Variants in PARD3B observed in about 807,000 individuals in gnomAD.
The protein encoded by PARD3B is partitioning defective 3 homolog B.
PARD3B carries 103 observed loss-of-function variants against 130.2 expected under a neutral mutation model. The ratio of observed to expected loss-of-function variants is 0.79; its 90% CI spans 0.67 to 0.93. The LOEUF (loss-of-function observed/expected upper bound fraction) is 0.93, where lower values mean the gene tolerates loss of function less well. Ranked by LOEUF, PARD3B falls within the 40% of genes least tolerant of loss-of-function variation. PARD3B has a pLI of 0.00. For missense variants in PARD3B, 1,609 were observed against 1,499.2 expected, an observed-to-expected ratio of 1.07 and a Z score of -1.21; for synonymous variants, 583 against 553.2, an observed-to-expected ratio of 1.05 and a Z score of -0.76.
At chr2:205,331,857 C>T (rs891572503) in intron 18 of PARD3B, among the ~76,000 whole-genome samples, 2 of 148,616 alleles carry the variant, frequency 1.3e-5, no homozygotes, top group East Asian at 4.0e-4. Context: ...CCTGTAATCC[C>T]AGCACTTTCA....
intron 2 of PARD3B, among the ~76,000 whole-genome samples, chr2:204,924,999 A>G (rs1353974254): frequency 6.6e-6 from 1 of 152,096 alleles, no homozygotes; most frequent in Non-Finnish European, 1.5e-5. Flanking sequence ...ATATACATGT[A>G]TACATATGCA....
intron 18 of PARD3B, among the ~76,000 whole-genome samples, chr2:205,378,266 A>G (rs2045146996): frequency 6.6e-6 from 1 of 152,184 alleles, no homozygotes; most frequent in Non-Finnish European, 1.5e-5. Flanking sequence ...CCTTCACAGT[A>G]CAGTGAATCC....
chr2:204,732,270 C>T (rs2039546445), intron 2 of PARD3B, among the ~76,000 whole-genome samples: 1 of 152,036 alleles, frequency 6.6e-6, no homozygotes, highest in South Asian at 2.1e-4. Flanking sequence ...TCCTAGAACA[C>T]GCTTGGGAAA....
chr2:204,821,849 G>A (rs1342367668), intron 2 of PARD3B, among the ~76,000 whole-genome samples: 1 of 152,122 alleles, frequency 6.6e-6, no homozygotes, highest in Non-Finnish European at 1.5e-5. Flanking sequence ...CAGCCATGTG[G>A]AACTGTAAGT....
At chr2:205,086,228 T>C (rs1559423271) in intron 4 of PARD3B, among the ~76,000 whole-genome samples, 2 of 152,202 alleles carry the variant, frequency 1.3e-5, no homozygotes, top group East Asian at 1.9e-4. Context: ...TACTGGTTTT[T>C]CCCCCAGGTG....
chr2:204,675,760 G>C lies in PARD3B; in HGVS notation c.121-10421G>C, dbSNP rs1343730082. The stretch of plus-strand genomic sequence containing the variant: ...AAATATTTAGCTGATATATGAACTA[G>C]GAAGTGAAATATATGTCTCAATACT... On this transcript the variant is annotated intron_variant, in intron 1 of 22. Coordinates refer to ENST00000406610, the MANE Select transcript of PARD3B (RefSeq NM_001302769.2). The surrounding 1 kb of genome is among the most constrained non-coding windows in gnomAD (Gnocchi z 4.4). 6.6e-6 allele frequency among the ~76,000 whole-genome samples: 1 copy of C among 152,052 alleles called. No homozygotes were observed. The highest frequency in any genetic ancestry group is 1.5e-5 in the Non-Finnish European group (1 of 67,998).
intron 21 of PARD3B, among the ~76,000 whole-genome samples, chr2:205,501,620 C>T (rs1276521454): frequency 6.6e-6 from 1 of 152,152 alleles, no homozygotes; most frequent in Non-Finnish European, 1.5e-5. Context: ...GTGTCCAGCG[C>T]ATTGAAAAGT....
chr2:204,861,210 CTCTCG>C (rs1249084454), intron 2 of PARD3B, among the ~76,000 whole-genome samples: 1 of 122,898 alleles, frequency 8.1e-6, no homozygotes, highest in African/African-American at 3.7e-5. Context: ...CTCTCTCTCT[CTCTCG>C]TACCTCTTAT....
chr2:205,480,603 T>G (rs1400779051), intron 20 of PARD3B, among the ~76,000 whole-genome samples: 1 of 152,162 alleles, frequency 6.6e-6, no homozygotes, highest in Non-Finnish European at 1.5e-5. Flanking sequence ...CAATAAATAT[T>G]TGCAAAATGA....
In PARD3B at chr2:205,342,149, G is replaced by A. The variant is rs1249504025; in HGVS notation, c.2630+40448G>A. ...ACTAAAGGGAGGAAGGAATAGATGGGAGGGAAGATTGAATTCATTAGTATA... is the reference window on the plus strand; with the variant it reads ...ACTAAAGGGAGGAAGGAATAGATGGAAGGGAAGATTGAATTCATTAGTATA... On this transcript the variant is annotated intron_variant, in intron 18 of 22. Transcript: ENST00000406610. 2.0e-5 allele frequency among the ~76,000 whole-genome samples: 3 copies of A among 152,154 alleles called. No homozygotes were observed. In the East Asian group the frequency reaches 5.8e-4, roughly 29 times the overall value.
At chr2:205,141,131 G>A (rs539813486) in intron 10 of PARD3B, among the ~76,000 whole-genome samples, 3 of 152,124 alleles carry the variant, frequency 2.0e-5, no homozygotes, top group African/African-American at 4.8e-5. Context: ...TTCTTCTTTC[G>A]GGTCAAATAG....
intron 22 of PARD3B, among the ~76,000 whole-genome samples, chr2:205,561,708 C>CA (rs1293474683): frequency 1.3e-5 from 2 of 152,186 alleles, no homozygotes; most frequent in African/African-American, 4.8e-5. Flanking sequence ...GAACCTTCCT[C>CA]ACTGTGAAAA....
intron 2 of PARD3B, among the ~76,000 whole-genome samples, chr2:204,886,148 A>G (rs2046263869): frequency 6.6e-6 from 1 of 152,250 alleles, no homozygotes; most frequent in Non-Finnish European, 1.5e-5. Context: ...AGCTGAGTCA[A>G]CTATCAAAGA....
chr2:204,942,288 G>A (rs545961681), intron 2 of PARD3B, among the ~76,000 whole-genome samples: 3 of 152,156 alleles, frequency 2.0e-5, no homozygotes, highest in African/African-American at 7.2e-5. Context: ...TTATAGTAAC[G>A]CTTCATTAAG....
chr2:204,658,599 C>G (rs1379652888), intron 1 of PARD3B, among the ~76,000 whole-genome samples: 1 of 152,128 alleles, frequency 6.6e-6, no homozygotes, highest in African/African-American at 2.4e-5. Flanking sequence ...TGTATAACCT[C>G]TAGAACAGGC....
intron 18 of PARD3B, among the ~76,000 whole-genome samples, chr2:205,385,928 T>G (rs1342459906): frequency 6.6e-6 from 1 of 152,208 alleles, no homozygotes; most frequent in Non-Finnish European, 1.5e-5. Context: ...TTAAAAAACA[T>G]GAGCCAATAT....
At chr2:205,394,768 T>TATATGA (rs2045967531) in intron 18 of PARD3B, among the ~76,000 whole-genome samples, 1 of 152,228 alleles carries the variant, frequency 6.6e-6, no homozygotes, top group Non-Finnish European at 1.5e-5. Context: ...TGATCCCACT[T>TATATGA]ATATGAATTT....
At chr2:205,286,922 T>C (rs1370888538) in intron 16 of PARD3B, among the ~76,000 whole-genome samples, 1 of 152,250 alleles carries the variant, frequency 6.6e-6, no homozygotes, top group Non-Finnish European at 1.5e-5. Context: ...ATTGGTAGTA[T>C]GTTTCTACTT....
chr2:205,065,403 GAAT>G (rs1159970664), intron 4 of PARD3B, among the ~76,000 whole-genome samples: 1 of 152,146 alleles, frequency 6.6e-6, no homozygotes, highest in Non-Finnish European at 1.5e-5. Flanking sequence ...TGTTTCCATA[GAAT>G]AATTTCACAT....
Sources: gnomAD v4.1 joint callset for allele counts (sites outside exome capture counted in the v4.1 genomes callset) on GRCh38, gnomAD v4.1.1 for gene constraint, Gnocchi (gnomAD v3.1) non-coding constraint, MANE v1.5 for transcripts, NCBI Gene and HGNC (gene_info 2026-07-23, HGNC 2026-07-21) for gene names.